VPS35L: variants seen among roughly 807,000 people sequenced by gnomAD.
VPS35L encodes VPS35 endosomal protein-sorting factor-like.
In VPS35L, 83 loss-of-function variants were observed where a neutral mutation model predicts 133.0. That is an observed-to-expected ratio of 0.62 (90% CI 0.52 to 0.75). The LOEUF (loss-of-function observed/expected upper bound fraction) is 0.75, where lower values mean the gene tolerates loss of function less well. VPS35L is among the 30% of genes least tolerant of loss of function. The pLI is 0.00. For synonymous variants in VPS35L, 423 were observed against 449.9 expected (o/e 0.94, Z 0.76); for missense variants, 1,083 against 1,206.8 (o/e 0.90, Z 1.52).
chr16:19,614,331 T>G (rs1411791913), intron 12 of VPS35L, among the ~76,000 whole-genome samples: 8 of 152,206 alleles, frequency 5.3e-5, no homozygotes, highest in Non-Finnish European at 1.0e-4. Context: ...ACCCTGGTGG[T>G]TCTCAAATGC....
At chr16:19,575,678 C>G (rs897834232) in intron 5 of VPS35L, among the ~76,000 whole-genome samples, 2 of 150,910 alleles carry the variant, frequency 1.3e-5, no homozygotes, top group Admixed American at 6.6e-5. Context: ...GCCTGGCCAA[C>G]ATGGTGAAAC....
intron 28 of VPS35L, among the ~76,000 whole-genome samples, chr16:19,691,011 T>C (rs1975656733): frequency 6.6e-6 from 1 of 151,774 alleles, no homozygotes; most frequent in Admixed American, 6.6e-5. Context: ...ACATACTGGT[T>C]GTGGGGGACT....
intron 28 of VPS35L, among the ~76,000 whole-genome samples, chr16:19,685,580 A>G (rs1975429089): frequency 6.6e-6 from 1 of 152,116 alleles, no homozygotes. Flanking sequence ...ATCTGCTTAT[A>G]TTCTGCGTTG....
rs185002669 is a variant in VPS35L at position 19,596,859 on chromosome 16, A to C, written c.725-4805A>C. ...ACATGGTGAAACCCGTCTTTACTAA[A>C]AATACAAAAATTAGCTGTGCGAGGT... On this transcript the variant is annotated intron_variant, in intron 8 of 30. Coordinates refer to ENST00000417362, the MANE Select transcript of VPS35L (RefSeq NM_020314.7). Among the ~76,000 whole-genome samples the C allele has an allele frequency of 2.7e-3, 408 of 152,026 alleles. 19 individuals carry two copies. The highest frequency in any genetic ancestry group is 3.2e-4 in the Non-Finnish European group (22 of 67,988).
intron 23 of VPS35L, 54 bp from the exon 24 acceptor site, chr16:19,647,730 C>T (rs1284874025): frequency 9.5e-6 from 13 of 1,371,152 alleles, no homozygotes; most frequent in Admixed American, 8.4e-5. Flanking sequence ...CATGTGCCTG[C>T]GTTCTCTCTA....
At chr16:19,624,668 A>G (rs1973205017) in intron 14 of VPS35L, among the ~76,000 whole-genome samples, 1 of 151,678 alleles carries the variant, frequency 6.6e-6, no homozygotes, top group South Asian at 2.1e-4. Flanking sequence ...CTGGTCTTGA[A>G]TTCCTGGGCT....
chr16:19,674,887 T>G (rs1405862285), intron 27 of VPS35L, among the ~76,000 whole-genome samples: 1 of 152,192 alleles, frequency 6.6e-6, no homozygotes, highest in East Asian at 1.9e-4. Flanking sequence ...ATGGCAGAAT[T>G]TCCTTCTTTT....
intron 27 of VPS35L, among the ~76,000 whole-genome samples, chr16:19,679,510 T>G (rs1016455630): frequency 8.1e-5 from 10 of 123,320 alleles, no homozygotes; most frequent in Admixed American, 8.0e-5. Context: ...TTTATTTATT[T>G]ATTTATTTTT....
chr16:19,588,830 C>G (rs1971954203), intron 7 of VPS35L, among the ~76,000 whole-genome samples: 1 of 152,208 alleles, frequency 6.6e-6, no homozygotes, highest in Non-Finnish European at 1.5e-5. Context: ...CTCTGTGCCT[C>G]TTCAGCTTTT....
At chr16:19,580,503 G>A (rs1971676131) in intron 6 of VPS35L, among the ~76,000 whole-genome samples, 2 of 152,092 alleles carry the variant, frequency 1.3e-5, no homozygotes, top group South Asian at 2.1e-4. Flanking sequence ...ATGTGTGTTT[G>A]CATGACCTTC....
rs770424103 is a variant in VPS35L at position 19,699,526 on chromosome 16, G to A, written c.2671G>A (p.Gly891Ser). The part of the protein sequence containing the change: ...DEALKRQSSL[G>S]LSFFNSILAH... The stretch of plus-strand genomic sequence containing the variant: ...GGCCCTGAAGCGCCAGAGCTCGTTG[G>A]GCCTTTCCTTCTTTAACAGCATCTT... The change falls in exon 30 of 31, where the codon GGC becomes AGC. Residue 891 changes from glycine to serine, a missense_variant. Transcript: ENST00000417362. The surrounding 1 kb of genome is among the most constrained non-coding windows in gnomAD (Gnocchi z 4.2). 4 of 1,614,034 alleles carry A rather than the reference G, an allele frequency of 2.5e-6. No homozygotes were observed. Among genetic ancestry groups the A allele is most frequent in the Admixed American group, 1.7e-5 (1 of 59,998 alleles).
chr16:19,650,982 G>A (rs1333366364), intron 25 of VPS35L, among the ~76,000 whole-genome samples: 4 of 150,290 alleles, frequency 2.7e-5, no homozygotes, highest in Admixed American at 6.6e-5. Flanking sequence ...AAGTTCAAGC[G>A]ATTCTCCTAC....
intron 24 of VPS35L, among the ~76,000 whole-genome samples, chr16:19,648,874 CAAAA>C (rs552677405): frequency 2.3e-4 from 21 of 91,846 alleles, no homozygotes; most frequent in Admixed American, 1.9e-3. Flanking sequence ...GACTCCATCT[CAAAA>C]AAAAAAAAAA....
chr16:19,623,772 A>ATTG (rs1555501637), intron 14 of VPS35L, among the ~76,000 whole-genome samples: 1 of 73,926 alleles, frequency 1.4e-5, no homozygotes. Context: ...TTTATTTATT[A>ATTG]TTATTATTAT....
At chr16:19,603,880 C>T (rs1255443328) in intron 9 of VPS35L, among the ~76,000 whole-genome samples, 2 of 152,048 alleles carry the variant, frequency 1.3e-5, no homozygotes, top group Admixed American at 6.6e-5. Context: ...TACAGGTGTG[C>T]ACCACCACAC....
At chr16:19,580,477 G>T (rs1156702558) in intron 6 of VPS35L, among the ~76,000 whole-genome samples, 1 of 151,962 alleles carries the variant, frequency 6.6e-6, no homozygotes, top group African/African-American at 2.4e-5. Context: ...ATAAACCTTT[G>T]GTTCCAGGTC....
Position 19,650,480 on chromosome 16 carries a change from C to T in VPS35L, c.2106+21C>T, listed in dbSNP as rs752138449. ...TCCGGGTATGTTCTTAAGATAAGGA[C>T]TGTTGGACCTCGAACTCCAGTGGGC... On this transcript the variant is annotated intron_variant, in intron 25 of 30. Transcript: ENST00000417362. 5.0e-6 allele frequency: 8 copies of T among 1,593,892 alleles called. No homozygotes were observed. In the Admixed American group the frequency reaches 1.3e-4, roughly 27 times the overall value.
intron 2 of VPS35L, among the ~76,000 whole-genome samples, chr16:19,568,139 T>C (rs1278465346): frequency 6.6e-6 from 1 of 152,156 alleles, no homozygotes; most frequent in Non-Finnish European, 1.5e-5. Context: ...TACTTGTACT[T>C]AACAGTTTAT....
intron 8 of VPS35L, 189 bp from the exon 9 acceptor site, chr16:19,601,475 C>G: frequency 1.8e-6 from 1 of 563,402 alleles, no homozygotes; most frequent in Non-Finnish European, 3.1e-6. Context: ...AAGTAAAAGT[C>G]TACTGGAAAA....
Sources: allele counts gnomAD v4.1 joint callset (sites outside exome capture counted in the v4.1 genomes callset), GRCh38; gene constraint gnomAD v4.1.1; non-coding constraint Gnocchi (gnomAD v3.1); transcripts MANE v1.5; gene names NCBI Gene and HGNC (gene_info 2026-07-23, HGNC 2026-07-21).